ZNF716: variants seen among roughly 807,000 people sequenced by gnomAD.
ZNF716 encodes zinc finger protein 716.
ZNF716 carries 9 observed loss-of-function variants against 13.4 expected under a neutral mutation model. The ratio of observed to expected loss-of-function variants is 0.67; its 90% CI spans 0.41 to 1.18. The LOEUF (loss-of-function observed/expected upper bound fraction) is 1.18. ZNF716 is among the 50% of genes most tolerant of loss of function. The pLI is 0.01. For synonymous variants in ZNF716, 186 were observed against 195.2 expected (o/e 0.95, Z 0.39); for missense variants, 581 against 576.6 (o/e 1.01, Z -0.08).
At chr7:57,466,643 A>G (rs554804802) in intron 3 of ZNF716, among the ~76,000 whole-genome samples, 91 of 152,244 alleles carry the variant, frequency 6.0e-4, no homozygotes, top group Middle Eastern at 3.4e-3. Context: ...CTTCTTGTAT[A>G]CTCTACTGAA....
chr7:57,473,517 C>G lies in ZNF716; in HGVS notation c.*3568C>G, dbSNP rs1583727592. ...CCTGGGTGAAAGAGCGAGAAACCAT[C>G]TCAAAAAAAAAAATAAATAAATAAA... On this transcript the variant is annotated 3_prime_UTR_variant, in exon 4 of 4. Transcript: ENST00000420713. 1.3e-5 allele frequency: 1 copy of G among 75,602 alleles called. No individual in the cohort carries two copies. Among genetic ancestry groups the G allele is most frequent in the Non-Finnish European group, 2.7e-5 (1 of 37,584 alleles). 4.7% of individuals were successfully genotyped at this position (75,602 alleles called of 1,614,324 possible).
At position 57,469,424 on chromosome 7, in the gene ZNF716, G is replaced by A; in HGVS notation, c.963G>A (p.Glu321=). 1 of 1,613,908 alleles carries A rather than the reference G, an allele frequency of 6.2e-7. No individual in the cohort carries two copies. Among genetic ancestry groups the A allele is most frequent in the Non-Finnish European group, 8.5e-7 (1 of 1,179,940 alleles). ...LTNHKRIHTG[E]RPYKCEECGK... is the part of the protein sequence containing the mutation. ...ACCACAAGAGAATTCATACTGGAGA[G>A]AGACCCTACAAATGTGAAGAATGTG... The change falls in exon 4 of 4, where the codon GAG becomes GAA. Residue 321 remains glutamate (E), a synonymous_variant. Coordinates refer to ENST00000420713, the MANE Select transcript of ZNF716 (RefSeq NM_001159279.1).
intron 1 of ZNF716, among the ~76,000 whole-genome samples, chr7:57,459,409 G>A (rs1165437799): frequency 6.6e-6 from 1 of 152,134 alleles, no homozygotes; most frequent in Non-Finnish European, 1.5e-5. Context: ...TAATATTTTG[G>A]AATGGAGATT....
chr7:57,456,745 A>C (rs901104345), intron 1 of ZNF716, among the ~76,000 whole-genome samples: 2 of 151,974 alleles, frequency 1.3e-5, no homozygotes, highest in African/African-American at 2.4e-5. Context: ...AAAAAAAAAA[A>C]ACAAATTGCT....
At chr7:57,452,644 A>G (rs1385411870) in intron 1 of ZNF716, among the ~76,000 whole-genome samples, 4 of 151,532 alleles carry the variant, frequency 2.6e-5, no homozygotes, top group Non-Finnish European at 5.9e-5. Context: ...TCTCAGAAAG[A>G]AAAAAAAAGA....
intron 3 of ZNF716, 148 bp downstream of exon 3, chr7:57,463,316 T>C (rs1194275098): frequency 6.8e-6 from 7 of 1,023,058 alleles, no homozygotes; most frequent in East Asian, 5.0e-5. Flanking sequence ...TATGCTTACA[T>C]AGGGACACCT....
rs782108582 is a variant in ZNF716 at position 57,469,885 on chromosome 7, G to A, written c.1424G>A (p.Trp475Ter). 6.3e-7 allele frequency: 1 copy of A among 1,593,770 alleles called. No individual in the cohort carries two copies. Among genetic ancestry groups the A allele is most frequent in the Non-Finnish European group, 8.6e-7 (1 of 1,169,218 alleles). ...GAAGAATGTGACCAAACTTTTAAGT[G>A]GCATTCAAGTCTTGCTAATCATAAG... ...KCEECDQTFK[W>*]HSSLANHKNM... Residue 475 changes from tryptophan to a stop codon, truncating the protein, a stop_gained, in exon 4 of 4, where the codon TGG (tryptophan) becomes TAG (stop). Transcript: ENST00000420713. LOFTEE classifies it low-confidence loss of function (END_TRUNC).
chr7:57,456,087 C>T (rs1447361845), intron 1 of ZNF716, among the ~76,000 whole-genome samples: 1 of 151,980 alleles, frequency 6.6e-6, no homozygotes. Context: ...TCCCGAGTAG[C>T]TAGGATTACA....
rs36113065 is a variant in ZNF716 at position 57,450,260 on chromosome 7, C to G, written c.-29C>G. On this transcript the variant is annotated 5_prime_UTR_variant, in exon 1 of 4. Coordinates refer to ENST00000420713, the MANE Select transcript of ZNF716 (RefSeq NM_001159279.1). ...GCTCCTGGAGGCCAAGCCTCTGTGG[C>G]CTTGTGTCCTGCAAGTATTCGCAGA... 3 of 1,613,708 alleles carry G rather than the reference C, an allele frequency of 1.9e-6. No homozygotes were observed. Among genetic ancestry groups the G allele is most frequent in the South Asian group, 2.2e-5 (2 of 91,058 alleles).
In ZNF716 at chr7:57,469,303, C is replaced by G. The variant is rs1398742873; in HGVS notation, c.842C>G (p.Ser281Ter). 2 of 1,589,778 alleles carry G rather than the reference C, an allele frequency of 1.3e-6. No homozygotes were observed. Among genetic ancestry groups the G allele is most frequent in the Non-Finnish European group, 1.7e-6 (2 of 1,165,758 alleles). The change falls in exon 4 of 4, where the codon TCA becomes TGA. Residue 281 changes from serine to a stop codon, truncating the protein, a stop_gained. Coordinates refer to ENST00000420713, the MANE Select transcript of ZNF716 (RefSeq NM_001159279.1). LOFTEE classifies it low-confidence loss of function (END_TRUNC). ...CEERGKVFSR[S>*]TLTNYKRIHT... ...GAACGTGGCAAAGTCTTTAGCCGCT[C>G]AACACTTACTAACTACAAGAGAATT...
At chr7:57,462,365 A>AAT in intron 1 of ZNF716, 95 bp from the exon 2 acceptor site, 1 of 1,393,436 alleles carries the variant, frequency 7.2e-7, no homozygotes, top group East Asian at 2.5e-5. Flanking sequence ...TCTCTTATTT[A>AAT]ACATGAGTCA....
At position 57,470,543 on chromosome 7, in the gene ZNF716, A is replaced by G. The variant is rs1191065850; in HGVS notation, c.*594A>G. 6.5e-6 allele frequency: 1 copy of G among 152,852 alleles called. No homozygotes were observed. Among genetic ancestry groups the G allele is most frequent in the East Asian group, 1.9e-4 (1 of 5,198 alleles). 9.5% of individuals were successfully genotyped at this position (152,852 alleles called of 1,614,324 possible). ...AATTCATTCTAGAGACAAACCCTAC[A>G]AAAACAATGTGGTAAAGCTTTTACC... On this transcript the variant is annotated 3_prime_UTR_variant, in exon 4 of 4. Transcript: ENST00000420713.
intron 1 of ZNF716, among the ~76,000 whole-genome samples, chr7:57,453,898 T>A (rs1220524367): frequency 6.6e-6 from 1 of 152,184 alleles, no homozygotes; most frequent in African/African-American, 2.4e-5. Context: ...AGTGGTGTGA[T>A]CTTGGCTCAC....
intron 1 of ZNF716, among the ~76,000 whole-genome samples, chr7:57,451,449 T>A (rs2116400763): frequency 7.0e-6 from 1 of 143,880 alleles, no homozygotes; most frequent in South Asian, 2.3e-4. Context: ...GGATTTTTTT[T>A]TTTTTTTTTT....
Position 57,470,538 on chromosome 7 carries a change from C to T in ZNF716, c.*589C>T, listed in dbSNP as rs2116428595. On this transcript the variant is annotated 3_prime_UTR_variant, in exon 4 of 4. Coordinates refer to ENST00000420713, the MANE Select transcript of ZNF716 (RefSeq NM_001159279.1). Reference sequence around the variant, plus strand: ...CAGATAATTCATTCTAGAGACAAACCCTACAAAAACAATGTGGTAAAGCTT... The same window carrying T: ...CAGATAATTCATTCTAGAGACAAACTCTACAAAAACAATGTGGTAAAGCTT... 6.5e-6 allele frequency: 1 copy of T among 152,814 alleles called. No homozygotes were observed. The highest frequency in any genetic ancestry group is 2.1e-4 in the South Asian group (1 of 4,816). The allele number at this position is 152,814 out of a possible 1,614,324, so 9.5% of individuals were successfully genotyped here.
chr7:57,463,040 A>G (rs1789736471), intron 2 of ZNF716, 33 bp from the exon 3 acceptor site: 2 of 1,604,792 alleles, frequency 1.2e-6, no homozygotes, highest in African/African-American at 1.3e-5. Flanking sequence ...ATTCAGCCAG[A>G]TTTATGTTAC....
In ZNF716 at chr7:57,470,103, T is replaced by G; in HGVS notation, c.*154T>G. Reference sequence around the variant, plus strand: ...TCATATTGGACAAAAGTCTTATAAATGTAAAAAAAAAAGTAACAGCCTTTA... The same window carrying G: ...TCATATTGGACAAAAGTCTTATAAAGGTAAAAAAAAAAGTAACAGCCTTTA... On this transcript the variant is annotated 3_prime_UTR_variant, in exon 4 of 4. Transcript: ENST00000420713. 1.3e-6 allele frequency: 1 copy of G among 767,746 alleles called. No individual in the cohort carries two copies. 47.6% of individuals were successfully genotyped at this position (767,746 alleles called of 1,614,324 possible). A position where few individuals can be genotyped will look rare whatever the true frequency, so the allele number is the denominator to read the frequency against.
Position 57,472,276 on chromosome 7 carries a change from T to G in ZNF716, c.*2327T>G, listed in dbSNP as rs1186238696. 6.6e-6 allele frequency: 1 copy of G among 152,226 alleles called. No individual in the cohort carries two copies. The highest frequency in any genetic ancestry group is 2.4e-5 in the African/African-American group (1 of 41,454). 9.4% of individuals were successfully genotyped at this position (152,226 alleles called of 1,614,324 possible). A position where few individuals can be genotyped will look rare whatever the true frequency, so the allele number is the denominator to read the frequency against. ...ACCTTTGAACGTCAGTAGTAAATTATTTTATCAATTGTACCTTTATGTAAA... is the reference window on the plus strand; with the variant it reads ...ACCTTTGAACGTCAGTAGTAAATTAGTTTATCAATTGTACCTTTATGTAAA... On this transcript the variant is annotated 3_prime_UTR_variant, in exon 4 of 4. Coordinates refer to ENST00000420713, the MANE Select transcript of ZNF716 (RefSeq NM_001159279.1).
At position 57,470,714 on chromosome 7, in the gene ZNF716, T is replaced by C. The variant is rs1393995338; in HGVS notation, c.*765T>C. On this transcript the variant is annotated 3_prime_UTR_variant, in exon 4 of 4. Transcript: ENST00000420713. The stretch of plus-strand genomic sequence containing the variant: ...TTGATACTGGAGAGAACCCCTGCAA[T>C]TGTAAAAAAAAAAAAAAATGTGGCA... 1.7e-5 allele frequency: 1 copy of C among 59,340 alleles called. No homozygotes were observed. The highest frequency in any genetic ancestry group is 6.5e-5 in the African/African-American group (1 of 15,416). The allele number at this position is 59,340 out of a possible 1,614,324, so 3.7% of individuals were successfully genotyped here.
Sources: gnomAD v4.1 joint callset for allele counts (sites outside exome capture counted in the v4.1 genomes callset) on GRCh38, gnomAD v4.1.1 for gene constraint, MANE v1.5 for transcripts, NCBI Gene and HGNC (gene_info 2026-07-23, HGNC 2026-07-21) for gene names.